The following SUMF1 variants were observed in gnomAD, a reference collection of about 807,000 sequenced individuals.
The protein encoded by SUMF1 is sulfatase modifying factor 1.
A neutral mutation model predicts 47.6 loss-of-function variants in SUMF1; 48 were observed. The observed-to-expected ratio is 1.01, with a 90% CI of 0.80 to 1.28. The LOEUF (loss-of-function observed/expected upper bound fraction) is 1.28, where lower values mean the gene tolerates loss of function less well. Ranked by LOEUF, SUMF1 falls within the 50% of genes most tolerant of loss-of-function variation. The probability of loss-of-function intolerance (pLI) is 0.00; values close to 1 mark genes in which losing one functional copy is unlikely to be tolerated. For missense variants in SUMF1, 571 were observed against 485.4 expected (o/e 1.18, Z -1.66); for synonymous variants, 230 against 192.1 (o/e 1.20, Z -1.63).
chr3:4,234,884 G>C (rs1696375310), intron 8 of SUMF1, among the ~76,000 whole-genome samples: 1 of 152,136 alleles, frequency 6.6e-6, no homozygotes, highest in Non-Finnish European at 1.5e-5. Flanking sequence ...GGGCTAACAA[G>C]GTCTGAAGAT....
At chr3:4,358,052 C>T (rs1186252502), downstream of SUMF1, among the ~76,000 whole-genome samples, 1 of 152,132 alleles carries the variant, frequency 6.6e-6, no homozygotes, top group Non-Finnish European at 1.5e-5. Flanking sequence ...ATCTGTACTG[C>T]ATTTTAAGCT....
chr3:4,391,226 C>G lies in SUMF1; in HGVS notation c.955-14837G>C, dbSNP rs1700851233. 2.0e-5 allele frequency among the ~76,000 whole-genome samples: 3 copies of G among 151,900 alleles called. No individual in the cohort carries two copies. In the South Asian group the frequency reaches 6.2e-4, roughly 32 times the overall value. The stretch of plus-strand genomic sequence containing the variant: ...TTTCAACAGTGTCAATATGATTTGT[C>G]CAGGTGTGGTTTTTTGTTTTTGTTT... On this transcript the variant is annotated intron_variant, in intron 7 of 8. Coordinates refer to ENST00000272902, the MANE Select transcript of SUMF1 (RefSeq NM_182760.4).
intron 8 of SUMF1, among the ~76,000 whole-genome samples, chr3:4,114,604 T>C (rs1045215168): frequency 1.3e-4 from 18 of 138,008 alleles, no homozygotes; most frequent in African/African-American, 5.4e-4. Context: ...ATGAGACCCG[T>C]ATCAGGTTAA....
intron 9 of SUMF1, among the ~76,000 whole-genome samples, chr3:4,064,769 A>G (rs1695340526): frequency 6.6e-6 from 1 of 152,158 alleles, no homozygotes; most frequent in African/African-American, 2.4e-5. Context: ...GCTCTTAACC[A>G]CTGTGCTCTA....
At chr3:4,259,218 G>A (rs944593228) in intron 8 of SUMF1, among the ~76,000 whole-genome samples, 2 of 151,786 alleles carry the variant, frequency 1.3e-5, no homozygotes, top group East Asian at 1.9e-4. Flanking sequence ...ACATATGTAA[G>A]TAACCTGCAC....
At chr3:4,290,000 G>A (rs1269566761) in intron 8 of SUMF1, among the ~76,000 whole-genome samples, 2 of 152,190 alleles carry the variant, frequency 1.3e-5, no homozygotes, top group Non-Finnish European at 2.9e-5. Flanking sequence ...ATGAGATCCA[G>A]GTATAAGGCA....
intron 7 of SUMF1, among the ~76,000 whole-genome samples, chr3:4,376,764 G>A (rs934546207): frequency 6.6e-6 from 1 of 152,122 alleles, no homozygotes; most frequent in Admixed American, 6.5e-5. Flanking sequence ...CATCTACACT[G>A]GCAAGCCTCT....
intron 1 of SUMF1, among the ~76,000 whole-genome samples, chr3:4,462,276 T>A (rs980276435): frequency 1.1e-4 from 16 of 152,144 alleles, no homozygotes; most frequent in African/African-American, 3.9e-4. Context: ...CAAGACCCAA[T>A]CAAAGTTCAT....
chr3:4,224,415 CTAGCA>C (rs1483488981), intron 8 of SUMF1, among the ~76,000 whole-genome samples: 6 of 151,974 alleles, frequency 3.9e-5, no homozygotes, highest in Admixed American at 1.3e-4. Flanking sequence ...TTTTGGCTCC[CTAGCA>C]TATTTTCCCC....
intron 8 of SUMF1, among the ~76,000 whole-genome samples, chr3:4,172,408 C>G (rs1019455916): frequency 6.6e-6 from 1 of 152,092 alleles, no homozygotes; most frequent in Non-Finnish European, 1.5e-5. Flanking sequence ...TCACTAAAAA[C>G]TAGGACCTAA....
intron 8 of SUMF1, among the ~76,000 whole-genome samples, chr3:4,097,964 C>T (rs1574879922): frequency 6.6e-6 from 1 of 152,158 alleles, no homozygotes; most frequent in African/African-American, 2.4e-5. Flanking sequence ...ATCTGATCAA[C>T]ACCCTGACTA....
intron 8 of SUMF1, among the ~76,000 whole-genome samples, chr3:4,165,072 A>G (rs986460512): frequency 6.6e-6 from 1 of 152,172 alleles, no homozygotes; most frequent in Non-Finnish European, 1.5e-5. Flanking sequence ...TACTGGGAAC[A>G]GCTTGCTCAC....
intron 8 of SUMF1, among the ~76,000 whole-genome samples, chr3:4,190,189 GT>G (rs200279859): frequency 0.037 from 5,222 of 141,744 alleles, 111 homozygotes; most frequent in African/African-American, 0.061. Flanking sequence ...CTTATGGAGA[GT>G]TTTTTTTTTT....
chr3:4,080,859 CAT>C (rs1354337033), intron 8 of SUMF1, among the ~76,000 whole-genome samples: 1 of 152,130 alleles, frequency 6.6e-6, no homozygotes, highest in East Asian at 1.9e-4. Context: ...GTATAACACA[CAT>C]ATTAAGAATC....
chr3:4,369,055 T>C (rs3749342), intron 8 of SUMF1, among the ~76,000 whole-genome samples: 58,574 of 151,116 alleles, frequency 0.39, 11,817 homozygotes, highest in Non-Finnish European at 0.46. Context: ...AGGTTTTTTT[T>C]TTTTTTTAAA....
At chr3:4,212,118 C>A (rs1292917335) in intron 8 of SUMF1, among the ~76,000 whole-genome samples, 1 of 152,186 alleles carries the variant, frequency 6.6e-6, no homozygotes, top group Non-Finnish European at 1.5e-5. Flanking sequence ...TCCCTGACCG[C>A]CGTGTATCCT....
At chr3:4,269,331 G>A (rs13073180) in intron 8 of SUMF1, among the ~76,000 whole-genome samples, 55,914 of 151,902 alleles carry the variant, frequency 0.37, 11,073 homozygotes, top group Non-Finnish European at 0.45. Flanking sequence ...CCCAAAGAAT[G>A]AAAGAATTAC....
chr3:4,257,171 A>G, intron 8 of SUMF1, among the ~76,000 whole-genome samples: 2 of 52,596 alleles, frequency 3.8e-5, no homozygotes, highest in African/African-American at 9.7e-5. Flanking sequence ...ATGGGCAAAA[A>G]CTGGAAGCAT....
intron 7 of SUMF1, among the ~76,000 whole-genome samples, chr3:4,396,596 G>A (rs777171233): frequency 5.3e-5 from 8 of 152,132 alleles, no homozygotes; most frequent in Non-Finnish European, 7.4e-5. Context: ...CATTTGATGT[G>A]AGCTGGTGGA....
Sources: allele counts gnomAD v4.1 joint callset (sites outside exome capture counted in the v4.1 genomes callset), GRCh38; gene constraint gnomAD v4.1.1; transcripts MANE v1.5; gene names NCBI Gene and HGNC (gene_info 2026-07-23, HGNC 2026-07-21).